SYT1: variants seen among roughly 807,000 people sequenced by gnomAD.
SYT1 encodes the protein synaptotagmin 1.
SYT1 carries 8 observed loss-of-function variants against 44.8 expected under a neutral mutation model. The ratio of observed to expected loss-of-function variants is 0.18; its 90% CI spans 0.10 to 0.32. SYT1 has a LOEUF of 0.32. SYT1 is among the 10% of genes least tolerant of loss of function. The pLI is 1.00. For missense variants in SYT1, 286 were observed against 509.3 expected (o/e 0.56, Z 4.22); for synonymous variants, 154 against 188.8 (o/e 0.82, Z 1.51).
chr12:78,975,072 T>G (rs1868719099), intron 1 of SYT1, among the ~76,000 whole-genome samples: 1 of 151,964 alleles, frequency 6.6e-6, no homozygotes, highest in African/African-American at 2.4e-5. Context: ...CACACATATA[T>G]TGTTCCCACG....
intron 9 of SYT1, among the ~76,000 whole-genome samples, chr12:79,406,247 T>A (rs1298009370): frequency 6.6e-6 from 1 of 152,112 alleles, no homozygotes; most frequent in Non-Finnish European, 1.5e-5. Context: ...CAAGTTGCAC[T>A]GCACTGTGGT....
At chr12:79,283,388 T>C (rs1194809868) in intron 4 of SYT1, among the ~76,000 whole-genome samples, 2 of 152,204 alleles carry the variant, frequency 1.3e-5, no homozygotes, top group Non-Finnish European at 2.9e-5. Context: ...TTTCTTCCTG[T>C]AATCTCATGT....
intron 3 of SYT1, among the ~76,000 whole-genome samples, chr12:79,201,682 T>C (rs1873797959): frequency 6.6e-6 from 1 of 152,176 alleles, no homozygotes; most frequent in South Asian, 2.1e-4. Flanking sequence ...ACTGATGAAA[T>C]AAACTTGGAG....
At chr12:79,326,679 C>T (rs1881622118) in intron 8 of SYT1, among the ~76,000 whole-genome samples, 1 of 152,156 alleles carries the variant, frequency 6.6e-6, no homozygotes, top group Admixed American at 6.5e-5. Context: ...TTTTCTCTGC[C>T]TGCGAGAGGC....
At chr12:79,380,636 C>T (rs1884181287) in intron 9 of SYT1, among the ~76,000 whole-genome samples, 1 of 152,216 alleles carries the variant, frequency 6.6e-6, no homozygotes, top group African/African-American at 2.4e-5. Context: ...AATCCTTCCA[C>T]CTCAGCCTTC....
At chr12:79,179,460 T>TATATATATCC (rs1872321054) in intron 3 of SYT1, among the ~76,000 whole-genome samples, 5 of 78,398 alleles carry the variant, frequency 6.4e-5, no homozygotes, top group Non-Finnish European at 1.2e-4. Flanking sequence ...AGATATAATC[T>TATATATATCC]ATATAGATAT....
chr12:79,167,935 A>G (rs1049554618), intron 3 of SYT1, among the ~76,000 whole-genome samples: 1 of 151,996 alleles, frequency 6.6e-6, no homozygotes, highest in Non-Finnish European at 1.5e-5. Flanking sequence ...GCAGTCTACA[A>G]TAGGGTTCAC....
intron 4 of SYT1, among the ~76,000 whole-genome samples, chr12:79,265,131 C>T (rs1878054004): frequency 6.6e-6 from 1 of 152,008 alleles, no homozygotes; most frequent in Non-Finnish European, 1.5e-5. Context: ...TAATAACTGG[C>T]ATTTTTAAAC....
chr12:79,066,991 C>T (rs1175044166), intron 3 of SYT1, among the ~76,000 whole-genome samples: 1 of 152,150 alleles, frequency 6.6e-6, no homozygotes, highest in Admixed American at 6.6e-5. Context: ...ATGAATGTTA[C>T]TATACATTGC....
intron 3 of SYT1, among the ~76,000 whole-genome samples, chr12:79,123,802 T>A (rs1406067732): frequency 1.3e-5 from 2 of 152,078 alleles, no homozygotes; most frequent in Non-Finnish European, 2.9e-5. Context: ...TTTTTAAAAA[T>A]TAACAAATAT....
chr12:79,407,557 C>T (rs910833198), intron 9 of SYT1, among the ~76,000 whole-genome samples: 9 of 152,052 alleles, frequency 5.9e-5, no homozygotes, highest in Non-Finnish European at 1.0e-4. Context: ...TAGCTCTGAT[C>T]GTCACATTCT....
At chr12:79,334,815 G>C (rs1396581734) in intron 8 of SYT1, among the ~76,000 whole-genome samples, 2 of 152,060 alleles carry the variant, frequency 1.3e-5, no homozygotes, top group East Asian at 3.9e-4. Context: ...ATCTTTTCAA[G>C]TGGGATCACC....
intron 1 of SYT1, among the ~76,000 whole-genome samples, chr12:78,889,964 A>T (rs1874958293): frequency 6.6e-6 from 1 of 151,902 alleles, no homozygotes; most frequent in Non-Finnish European, 1.5e-5. Context: ...GACTGCCCCA[A>T]ACTTATGTAT....
intron 4 of SYT1, among the ~76,000 whole-genome samples, chr12:79,220,530 T>C (rs1875096192): frequency 1.3e-5 from 2 of 152,088 alleles, no homozygotes; most frequent in Admixed American, 6.5e-5. Context: ...TTTCTTCCTT[T>C]GATGGAATAG....
intron 9 of SYT1, among the ~76,000 whole-genome samples, chr12:79,379,370 C>G (rs546243253): frequency 6.6e-6 from 1 of 152,070 alleles, no homozygotes; most frequent in Non-Finnish European, 1.5e-5. Flanking sequence ...AGAAAATTGG[C>G]CTTTTTGAAG....
chr12:78,924,812 T>C lies in SYT1; in HGVS notation c.-216-52987T>C, dbSNP rs985800537. On this transcript the variant is annotated intron_variant, in intron 1 of 10. Transcript: ENST00000261205. ...TCTGGCACAAGATGAGGTTTCATAA[T>C]GATTTTCTACTTTCCCTCACTAGCC... Among the ~76,000 whole-genome samples the C allele has an allele frequency of 2.6e-5, 4 of 151,430 alleles. No homozygotes were observed. In the Admixed American group the frequency reaches 2.6e-4, roughly 10 times the overall value.
chr12:79,128,623 C>T (rs1868596682), intron 3 of SYT1, among the ~76,000 whole-genome samples: 2 of 152,346 alleles, frequency 1.3e-5, no homozygotes, highest in South Asian at 4.1e-4. Context: ...AAATCATCAA[C>T]ATGCCCCTGC....
At chr12:79,264,712 G>C (rs1878031109) in intron 4 of SYT1, among the ~76,000 whole-genome samples, 1 of 152,114 alleles carries the variant, frequency 6.6e-6, no homozygotes, top group Non-Finnish European at 1.5e-5. Context: ...AAAATACAAA[G>C]TACTGCATAT....
At chr12:79,131,948 G>GT (rs1868850240) in intron 3 of SYT1, among the ~76,000 whole-genome samples, 1 of 152,102 alleles carries the variant, frequency 6.6e-6, no homozygotes. Context: ...TTTAGTTGAA[G>GT]TTTTTTATTC....
Sources: allele counts gnomAD v4.1 joint callset (sites outside exome capture counted in the v4.1 genomes callset), GRCh38; gene constraint gnomAD v4.1.1; transcripts MANE v1.5; gene names NCBI Gene and HGNC (gene_info 2026-07-23, HGNC 2026-07-21).